Variants in SLC1A1 observed in about 807,000 individuals in gnomAD.
The protein encoded by SLC1A1 is excitatory amino acid transporter 3.
In SLC1A1, 43 loss-of-function variants were observed where a neutral mutation model predicts 53.3. The observed-to-expected ratio is 0.81, with a 90% CI of 0.63 to 1.04. SLC1A1 has a LOEUF of 1.04. Ranked by LOEUF, SLC1A1 falls within the 50% of genes least tolerant of loss-of-function variation. The pLI, the probability that SLC1A1 is intolerant of heterozygous loss-of-function variation, is 0.00. For missense variants in SLC1A1, 748 were observed against 664.9 expected, an observed-to-expected ratio of 1.12 and a Z score of -1.37; for synonymous variants, 307 against 243.2, an observed-to-expected ratio of 1.26 and a Z score of -2.44.
chr9:4,501,591 C>A (rs1820633651), intron 1 of SLC1A1, among the ~76,000 whole-genome samples: 1 of 151,452 alleles, frequency 6.6e-6, no homozygotes, highest in African/African-American at 2.4e-5. Flanking sequence ...ATGGAGAAAC[C>A]CCATCTCTAC....
chr9:4,508,232 A>G (rs1820868414), intron 1 of SLC1A1, among the ~76,000 whole-genome samples: 1 of 152,202 alleles, frequency 6.6e-6, no homozygotes, highest in East Asian at 1.9e-4. Context: ...AAAGTAGAAT[A>G]AAGAGAGTCA....
At chr9:4,570,349 C>T (rs1327639832) in intron 6 of SLC1A1, among the ~76,000 whole-genome samples, 1 of 152,056 alleles carries the variant, frequency 6.6e-6, no homozygotes, top group Non-Finnish European at 1.5e-5. Context: ...TAAGAAATGA[C>T]TGGTAGCCCA....
chr9:4,584,545 G>A (rs1821410321), intron 11 of SLC1A1, among the ~76,000 whole-genome samples: 1 of 152,208 alleles, frequency 6.6e-6, no homozygotes, highest in Non-Finnish European at 1.5e-5. Context: ...GTGGTCATGT[G>A]TAAGCATTGT....
chr9:4,539,358 A>AT (rs977361144), intron 1 of SLC1A1, among the ~76,000 whole-genome samples: 14 of 152,018 alleles, frequency 9.2e-5, no homozygotes, highest in African/African-American at 2.4e-4. Context: ...CCTGAACAAT[A>AT]TTTTTTTTAT....
chr9:4,546,547 G>C (rs1257707153), intron 2 of SLC1A1, among the ~76,000 whole-genome samples: 1 of 152,134 alleles, frequency 6.6e-6, no homozygotes, highest in Non-Finnish European at 1.5e-5. Flanking sequence ...GAATGCCATA[G>C]TCTCCACTAC....
intron 1 of SLC1A1, among the ~76,000 whole-genome samples, chr9:4,541,435 G>A (rs10974613): frequency 0.14 from 20,702 of 152,126 alleles, 1,676 homozygotes; most frequent in African/African-American, 0.21. Flanking sequence ...GCTTGTTTTC[G>A]TTTCCTTTCC....
chr9:4,585,469 G>T lies in SLC1A1; in HGVS notation c.1486G>T (p.Asp496Tyr). 6.2e-7 allele frequency: 1 copy of T among 1,614,210 alleles called. No homozygotes were observed. The highest frequency in any genetic ancestry group is 1.1e-5 in the South Asian group (1 of 91,082). Reference protein sequence around the residue: ...ALESTILDNEDSDTKKSYVNG... With the variant: ...ALESTILDNEYSDTKKSYVNG... Reference sequence around the variant, plus strand: ...GGAATCCACAATCCTTGACAACGAAGACTCAGACACCAAGAAGTCTTATGT... The same window carrying T: ...GGAATCCACAATCCTTGACAACGAATACTCAGACACCAAGAAGTCTTATGT... The change falls in exon 12 of 12, where the codon GAC (aspartate) becomes TAC (tyrosine). Residue 496 changes from aspartate to tyrosine, a missense_variant. By Grantham distance (160) the Asp-to-Tyr change is radical. Transcript: ENST00000262352.
At chr9:4,564,303 G>T in intron 3 of SLC1A1, 41 bp from the exon 4 acceptor site, 1 of 1,395,808 alleles carries the variant, frequency 7.2e-7, no homozygotes, top group Non-Finnish European at 1.0e-6. Flanking sequence ...AGGTGCCCTG[G>T]AAGGTTCCTA....
intron 6 of SLC1A1, among the ~76,000 whole-genome samples, chr9:4,570,659 C>G (rs547704533): frequency 1.2e-4 from 19 of 152,318 alleles, no homozygotes; most frequent in African/African-American, 4.3e-4. Context: ...GTGTGAGCCA[C>G]CGCACCCAGC....
rs1042038505 is a variant in SLC1A1 at position 4,583,279 on chromosome 9, C to T, written c.1328+107C>T. The T allele has an allele frequency of 6.8e-5, 94 of 1,388,042 alleles. 1 individual carries two copies. In the South Asian group the frequency reaches 8.5e-4, roughly 13 times the overall value. 86.0% of individuals were successfully genotyped at this position (1,388,042 alleles called of 1,614,324 possible). On this transcript the variant is annotated intron_variant, in intron 11 of 11. Coordinates refer to ENST00000262352, the MANE Select transcript of SLC1A1 (RefSeq NM_004170.6). The surrounding 1 kb of genome is among the most constrained non-coding windows in gnomAD (Gnocchi z 4.6). ...TCTCTCCTCAGATTGCCTAATGAGC[C>T]ACCTGTTGCTGCTTTAATTTTCCTC...
intron 1 of SLC1A1, among the ~76,000 whole-genome samples, chr9:4,504,285 C>A (rs1345464354): frequency 6.6e-6 from 1 of 152,170 alleles, no homozygotes; most frequent in African/African-American, 2.4e-5. Flanking sequence ...ACTCTTACAC[C>A]ATTCATTGAA....
At chr9:4,574,993 G>T (rs1820411382) in intron 8 of SLC1A1, among the ~76,000 whole-genome samples, 1 of 152,210 alleles carries the variant, frequency 6.6e-6, no homozygotes, top group Non-Finnish European at 1.5e-5. Context: ...CTGCTGTAGG[G>T]CTGCTGAAAC....
At chr9:4,503,918 T>C (rs1211407641) in intron 1 of SLC1A1, among the ~76,000 whole-genome samples, 1 of 148,220 alleles carries the variant, frequency 6.7e-6, no homozygotes, top group Non-Finnish European at 1.5e-5. Flanking sequence ...CTCAGTTGTA[T>C]GAGTTTTTGA....
intron 1 of SLC1A1, among the ~76,000 whole-genome samples, chr9:4,538,004 A>G (rs1816741974): frequency 1.3e-5 from 2 of 152,246 alleles, no homozygotes; most frequent in Non-Finnish European, 2.9e-5. Flanking sequence ...TACAGATTGT[A>G]AATAATTTTT....
rs540062137 is a variant in SLC1A1, at chr9:4,504,985, C to T, written c.91+14215C>T. 3.6e-3 allele frequency among the ~76,000 whole-genome samples: 530 copies of T among 149,272 alleles called. 1 individual carries two copies. Among genetic ancestry groups the T allele is most frequent in the Non-Finnish European group, 5.5e-3 (371 of 67,532 alleles). ...ACCTTTGCTAATAAGGAAATGGCCT[C>T]GGTTTGGATTAGGTGGAGTTTCGTG... On this transcript the variant is annotated intron_variant, in intron 1 of 11. Coordinates refer to ENST00000262352, the MANE Select transcript of SLC1A1 (RefSeq NM_004170.6).
intron 1 of SLC1A1, 27 bp downstream of exon 1, chr9:4,490,797 C>A: frequency 1.9e-6 from 3 of 1,580,072 alleles, no homozygotes; most frequent in Non-Finnish European, 2.6e-6. Flanking sequence ...GTGGGCGATG[C>A]GCGCACCCTC....
chr9:4,537,598 TA>T (rs552005556), intron 1 of SLC1A1, among the ~76,000 whole-genome samples: 13,662 of 125,012 alleles, frequency 0.11, 4,623 homozygotes, highest in African/African-American at 0.2. Flanking sequence ...TAAAATAAAA[TA>T]AAAAAAAAAA....
chr9:4,560,695 T>TAA (rs200416823), intron 2 of SLC1A1, among the ~76,000 whole-genome samples: 33 of 144,736 alleles, frequency 2.3e-4, no homozygotes, highest in African/African-American at 7.8e-4. Context: ...TCTCAAGTGT[T>TAA]AAAAAAAAAA....
At chr9:4,560,794 G>C in intron 2 of SLC1A1, among the ~76,000 whole-genome samples, 1 of 151,926 alleles carries the variant, frequency 6.6e-6, no homozygotes, top group East Asian at 1.9e-4. Context: ...TCAGGAGTTC[G>C]AGACAAGCCT....
Sources: gnomAD v4.1 joint callset for allele counts (sites outside exome capture counted in the v4.1 genomes callset) on GRCh38, gnomAD v4.1.1 for gene constraint, Gnocchi (gnomAD v3.1) non-coding constraint, MANE v1.5 for transcripts, NCBI Gene and HGNC (gene_info 2026-07-23, HGNC 2026-07-21) for gene names.